HELZ: variants seen among roughly 807,000 people sequenced by gnomAD.
HELZ encodes the protein helicase with zinc finger, also known as ATP-dependent RNA helicase with zinc finger domain.
Under a neutral mutation model 218.2 loss-of-function variants are expected in HELZ, and 23 were observed. The observed-to-expected ratio is 0.11, with a 90% CI of 0.08 to 0.15. The LOEUF is 0.15. HELZ is among the 10% of genes least tolerant of loss of function. The pLI is 1.00. For synonymous variants in HELZ, 814 were observed against 829.4 expected, an observed-to-expected ratio of 0.98 and a Z score of 0.32; for missense variants, 1,813 against 2,353.7, an observed-to-expected ratio of 0.77 and a Z score of 4.75.
In HELZ at chr17:67,235,829, C is replaced by T. The variant is rs539357616; in HGVS notation, c.-19+3604G>A. ...GTACGCAGTGGTGCTATCTCTATCT[C>T]GGCTCACTGCAAGCTCCACCTCCCG... On this transcript the variant is annotated intron_variant, in intron 3 of 32. Coordinates refer to ENST00000358691, the MANE Select transcript of HELZ (RefSeq NM_014877.4). 7.1e-5 allele frequency among the ~76,000 whole-genome samples: 10 copies of T among 140,006 alleles called. No homozygotes were observed. The South Asian group carries it at 1.3e-3, about 19-fold the overall frequency. 91.8% of individuals were successfully genotyped at this position (140,006 alleles called of 152,430 possible). A position where few individuals can be genotyped will look rare whatever the true frequency, so the allele number is the denominator to read the frequency against.
intron 3 of HELZ, among the ~76,000 whole-genome samples, chr17:67,223,440 T>C (rs1050460486): frequency 1.3e-5 from 2 of 151,570 alleles, no homozygotes; most frequent in Non-Finnish European, 2.9e-5. Flanking sequence ...CTTGACTCTT[T>C]CTCTTCCTGT....
intron 12 of HELZ, among the ~76,000 whole-genome samples, chr17:67,181,533 T>C (rs182580251): frequency 1.3e-5 from 2 of 152,320 alleles, no homozygotes; most frequent in African/African-American, 4.8e-5. Flanking sequence ...TTCATAAATG[T>C]ATACAACTAT....
At chr17:67,208,131 G>A (rs2040352992) in intron 5 of HELZ, among the ~76,000 whole-genome samples, 1 of 152,192 alleles carries the variant, frequency 6.6e-6, no homozygotes, top group Non-Finnish European at 1.5e-5. Context: ...TTAGGGAGAT[G>A]AAGAACAGAT....
At chr17:67,107,775 A>C (rs898568530) in intron 30 of HELZ, 90 bp from the exon 31 acceptor site, 8 of 1,149,996 alleles carry the variant, frequency 7.0e-6, no homozygotes, top group Non-Finnish European at 9.9e-6. Flanking sequence ...TTTTCAACAA[A>C]CAAAATCATA....
chr17:67,224,597 T>A, intron 3 of HELZ: 2 of 479,598 alleles, frequency 4.2e-6, no homozygotes, highest in South Asian at 4.1e-5. Context: ...TGTTATTTAT[T>A]ACTAATAACA....
At chr17:67,160,826 T>C (rs911349369) in intron 16 of HELZ, 71 bp downstream of exon 16, 36 of 1,120,506 alleles carry the variant, frequency 3.2e-5, no homozygotes, top group East Asian at 1.2e-4. Flanking sequence ...CTAGCCCTCA[T>C]TGTGTATTTA....
rs538075172 is a variant in HELZ, at chr17:67,107,837, C to T, written c.4725-152G>A. The stretch of plus-strand genomic sequence containing the variant: ...TTCATCTCAGATGTAAGCATTAACA[C>T]TCAATAGATGCTGAGGTGAAGAAAT... On this transcript the variant is annotated intron_variant, in intron 30 of 32. Coordinates refer to ENST00000358691, the MANE Select transcript of HELZ (RefSeq NM_014877.4). 5.5e-5 allele frequency: 37 copies of T among 670,968 alleles called. No homozygotes were observed. In the African/African-American group the frequency reaches 6.2e-4, roughly 11 times the overall value. The allele number at this position is 670,968 out of a possible 1,614,324, so 41.6% of individuals were successfully genotyped here. A position where few individuals can be genotyped will look rare whatever the true frequency, so the allele number is the denominator to read the frequency against.
intron 9 of HELZ, among the ~76,000 whole-genome samples, chr17:67,190,780 G>T (rs143757602): frequency 1.3e-5 from 2 of 152,134 alleles, no homozygotes; most frequent in East Asian, 3.9e-4. Flanking sequence ...GCGTAATCTC[G>T]ACTCACTGCA....
chr17:67,201,196 G>T lies in HELZ; in HGVS notation c.373-11C>A. On this transcript the variant is annotated splice_polypyrimidine_tract_variant and intron_variant, in intron 6 of 32. Transcript: ENST00000358691. The stretch of plus-strand genomic sequence containing the variant: ...TGTTACCATCCCATTCTGAAAGGGT[G>T]AATAAAAAAGAGAAGAACCAATTAG... 1 of 1,577,668 alleles carries T rather than the reference G, an allele frequency of 6.3e-7. No individual in the cohort carries two copies. The highest frequency in any genetic ancestry group is 8.7e-7 in the Non-Finnish European group (1 of 1,150,714).
intron 13 of HELZ, among the ~76,000 whole-genome samples, chr17:67,169,037 A>G (rs1044696002): frequency 6.6e-6 from 1 of 152,120 alleles, no homozygotes; most frequent in African/African-American, 2.4e-5. Flanking sequence ...GGTTGCAGTA[A>G]GCCAATTATC....
chr17:67,230,379 C>T (rs2041004218), intron 3 of HELZ, among the ~76,000 whole-genome samples: 2 of 152,008 alleles, frequency 1.3e-5, no homozygotes, highest in East Asian at 1.9e-4. Context: ...AGGCGGATCA[C>T]GAGGTCAAGA....
In HELZ at chr17:67,107,289, G is replaced by C. The variant is rs756148888; in HGVS notation, c.5121C>G (p.His1707Gln). 1 of 1,614,210 alleles carries C rather than the reference G, an allele frequency of 6.2e-7. No individual in the cohort carries two copies. The highest frequency in any genetic ancestry group is 1.7e-5 in the Admixed American group (1 of 60,024). Residue 1707 changes from histidine to glutamine, a missense_variant, in exon 31 of 33, where the codon CAC becomes CAG. Transcript: ENST00000358691. ...GTACAAAAGGGTTCTGCGGTGGCCTGTGAGGCAATGGAGGTAGGCCATAGG... is the reference window on the plus strand; with the variant it reads ...GTACAAAAGGGTTCTGCGGTGGCCTCTGAGGCAATGGAGGTAGGCCATAGG... ...GFPYGLPPLPHRPPQNPFVQI... is the reference protein window; with the variant it reads ...GFPYGLPPLPQRPPQNPFVQI...
chr17:67,126,073 G>T (rs2037785578), intron 24 of HELZ, among the ~76,000 whole-genome samples: 1 of 152,212 alleles, frequency 6.6e-6, no homozygotes, highest in African/African-American at 2.4e-5. Context: ...CTTGGAAGCA[G>T]ATTCTTTCCA....
rs989148871 is a variant in HELZ, at chr17:67,138,203, T to C, written c.2770-89A>G. ...GTAACTAAAACTGATTTATAAAGGA[T>C]CCCATTTTAGCAGATGTCATTTAAA... is the stretch of plus-strand genomic sequence containing the variant. On this transcript the variant is annotated intron_variant, in intron 21 of 32. Transcript: ENST00000358691. 23 of 1,097,106 alleles carry C rather than the reference T, an allele frequency of 2.1e-5. No individual in the cohort carries two copies. The African/African-American group carries it at 3.2e-4, about 15-fold the overall frequency. 68.0% of individuals were successfully genotyped at this position (1,097,106 alleles called of 1,614,324 possible).
Position 67,128,639 on chromosome 17 carries a change from CAG to C in HELZ, c.3387+10_3387+11del. On this transcript the variant is annotated intron_variant, in intron 24 of 32. Coordinates refer to ENST00000358691, the MANE Select transcript of HELZ (RefSeq NM_014877.4). Reference sequence around the variant, plus strand: ...CCTTTAACCTCTTCAATTTCATTAACAGAGGCTTTACCTTGGGTGGTGATTGC... The same window carrying C: ...CCTTTAACCTCTTCAATTTCATTAACAGGCTTTACCTTGGGTGGTGATTGC... The C allele has an allele frequency of 6.2e-7, 1 of 1,610,816 alleles. No individual in the cohort carries two copies.
Position 67,138,015 on chromosome 17 carries a change from C to T in HELZ, c.2869G>A (p.Ala957Thr). 2 of 1,613,812 alleles carry T rather than the reference C, an allele frequency of 1.2e-6. No homozygotes were observed. ...DGSIGVVTPYADQVFRIRAEL... is the reference protein window; with the variant it reads ...DGSIGVVTPYTDQVFRIRAEL... The stretch of plus-strand genomic sequence containing the variant: ...GCACGTATTCTAAACACTTGATCAG[C>T]ATATGGAGTCACCACACCAATACTG... Residue 957 changes from alanine to threonine, a missense_variant, in exon 22 of 33, where the codon GCT becomes ACT. Ala to Thr is a moderately conservative substitution (Grantham distance 58). This residue lies in a region of HELZ where 156 missense variants were observed against 274.4 expected (regional missense o/e 0.57). Transcript: ENST00000358691.
At chr17:67,181,796 G>A (rs2039619519) in intron 12 of HELZ, among the ~76,000 whole-genome samples, 1 of 151,580 alleles carries the variant, frequency 6.6e-6, no homozygotes, top group Non-Finnish European at 1.5e-5. Flanking sequence ...ATGAACTATG[G>A]CCAGTGACTA....
intron 1 of HELZ, chr17:67,244,768 C>A: frequency 1.0e-6 from 1 of 985,086 alleles, no homozygotes; most frequent in Non-Finnish European, 1.2e-6. Context: ...CACCCCCAGC[C>A]GCGACCCGGA....
At chr17:67,227,634 A>G (rs1030393331) in intron 3 of HELZ, among the ~76,000 whole-genome samples, 2 of 152,232 alleles carry the variant, frequency 1.3e-5, no homozygotes, top group African/African-American at 4.8e-5. Context: ...AAATGGAACA[A>G]TGATTGAGCT....
Sources: allele counts gnomAD v4.1 joint callset (sites outside exome capture counted in the v4.1 genomes callset), GRCh38; gene constraint gnomAD v4.1.1; regional missense constraint gnomAD v4.1.1; transcripts MANE v1.5; gene names NCBI Gene and HGNC (gene_info 2026-07-23, HGNC 2026-07-21).